ZNF644: variants seen among roughly 807,000 people sequenced by gnomAD.
ZNF644 encodes zinc finger motif enhancer binding protein 2.
ZNF644 carries 20 observed loss-of-function variants against 108.0 expected under a neutral mutation model. The ratio of observed to expected loss-of-function variants is 0.19; its 90% confidence interval spans 0.13 to 0.27. The LOEUF is 0.27. Among genes scored for constraint, ZNF644 ranks in the 10% least tolerant of loss-of-function variants. The pLI is 1.00. For missense variants in ZNF644, 1,338 were observed against 1,548.9 expected, an observed-to-expected ratio of 0.86 and a Z score of 2.29; for synonymous variants, 542 against 539.1, an observed-to-expected ratio of 1.01 and a Z score of -0.08.
At chr1:91,019,847 G>T (rs1164607625) in intron 1 of ZNF644, among the ~76,000 whole-genome samples, 1 of 152,192 alleles carries the variant, frequency 6.6e-6, no homozygotes, top group Admixed American at 6.5e-5. Flanking sequence ...TTACAGGCGT[G>T]AGCCACCGTG....
chr1:90,965,981 C>T (rs1430038476), intron 2 of ZNF644, among the ~76,000 whole-genome samples: 2 of 152,110 alleles, frequency 1.3e-5, no homozygotes, highest in Non-Finnish European at 2.9e-5. Context: ...TAACTCCTGA[C>T]CTCAGGTGAT....
intron 1 of ZNF644, among the ~76,000 whole-genome samples, chr1:90,998,366 GCAGCAACATTTGCTGTT>G (rs1336378042): frequency 6.6e-6 from 1 of 152,176 alleles, no homozygotes; most frequent in Admixed American, 6.5e-5. Context: ...GAATGATCAG[GCAGCAACATTTGCTGTT>G]CAGCAATATT....
At chr1:90,934,223 T>C (rs1224972766) in intron 4 of ZNF644, among the ~76,000 whole-genome samples, 1 of 152,086 alleles carries the variant, frequency 6.6e-6, no homozygotes, top group African/African-American at 2.4e-5. Context: ...TCAACATTCA[T>C]CCCTGGTCAT....
chr1:90,937,397 AAAGT>A, intron 4 of ZNF644, 84 bp downstream of exon 4: 1 of 1,573,476 alleles, frequency 6.4e-7, no homozygotes, highest in Non-Finnish European at 8.7e-7. Context: ...AGATTGTGAG[AAAGT>A]ATTTTCCACA....
chr1:91,000,752 T>A (rs1658686578), intron 1 of ZNF644, among the ~76,000 whole-genome samples: 1 of 152,064 alleles, frequency 6.6e-6, no homozygotes, highest in Non-Finnish European at 1.5e-5. Context: ...AGGAGCTGGT[T>A]TTTTGAAAAG....
chr1:90,971,499 C>T (rs1371880656), intron 2 of ZNF644, among the ~76,000 whole-genome samples: 2 of 152,044 alleles, frequency 1.3e-5, no homozygotes, highest in Non-Finnish European at 2.9e-5. Flanking sequence ...CGGCTCACTG[C>T]AACCTCCACC....
intron 1 of ZNF644, among the ~76,000 whole-genome samples, chr1:90,985,511 T>C (rs1357728639): frequency 2.0e-5 from 3 of 152,190 alleles, no homozygotes; most frequent in Non-Finnish European, 4.4e-5. Context: ...TCTACTTCTA[T>C]GAGTTCAACT....
Position 90,937,788 on chromosome 1 carries a change from G to T in ZNF644, c.3385C>A (p.Arg1129Ser), listed in dbSNP as rs763949118. The change falls in exon 4 of 6, where the codon CGT becomes AGT. Residue 1129 changes from arginine (R) to serine (S), a missense_variant. This residue lies in a region of ZNF644 where 287 missense variants were observed against 310.9 expected (regional missense o/e 0.92). Coordinates refer to ENST00000337393, the MANE Select transcript of ZNF644 (RefSeq NM_201269.3). ...SQNVIPLEAY[R>S]NGLKTEALSV... is the part of the protein sequence containing the mutation. ...AGAGCTTCAGTCTTTAGGCCATTAC[G>T]GTATGCTTCAAGAGGTATAACATTT... 4 of 1,613,626 alleles carry T rather than the reference G, an allele frequency of 2.5e-6. No homozygotes were observed. The highest frequency in any genetic ancestry group is 1.3e-5 in the African/African-American group (1 of 74,882).
intron 2 of ZNF644, among the ~76,000 whole-genome samples, chr1:90,959,108 C>T (rs1386365473): frequency 6.6e-6 from 1 of 152,032 alleles, no homozygotes; most frequent in East Asian, 1.9e-4. Flanking sequence ...AGGACGTGAA[C>T]AGATATTTCT....
rs115551975 is a variant in ZNF644 at position 90,947,759 on chromosome 1, G to A, written c.45-6450C>T. On this transcript the variant is annotated intron_variant, in intron 2 of 5. Transcript: ENST00000337393. ...CCTCCCAATAAACCCATGATAAATG[G>A]AAAACATCATGTTGAAAATGCATTT... is the stretch of plus-strand genomic sequence containing the variant. Among the ~76,000 whole-genome samples, 1,049 of 152,094 alleles carry A rather than the reference G, an allele frequency of 6.9e-3. 15 individuals are homozygous for A. Among genetic ancestry groups the A allele is most frequent in the African/African-American group, 0.024 (985 of 41,502 alleles).
intron 4 of ZNF644, among the ~76,000 whole-genome samples, chr1:90,927,261 A>C (rs1650149468): frequency 6.6e-6 from 1 of 152,224 alleles, no homozygotes; most frequent in Non-Finnish European, 1.5e-5. Context: ...AGTTATGCAT[A>C]TATGTGCTTC....
At chr1:90,925,076 A>T (rs1344181965) in intron 4 of ZNF644, among the ~76,000 whole-genome samples, 2 of 152,218 alleles carry the variant, frequency 1.3e-5, no homozygotes, top group African/African-American at 4.8e-5. Flanking sequence ...TACAAACCGC[A>T]TTCAAGAAAT....
Position 90,938,276 on chromosome 1 carries a change from T to C in ZNF644, c.3078A>G (p.Arg1026=), listed in dbSNP as rs1651563652. 1.9e-6 allele frequency: 3 copies of C among 1,614,022 alleles called. No individual in the cohort carries two copies. Among genetic ancestry groups the C allele is most frequent in the Non-Finnish European group, 2.5e-6 (3 of 1,179,882 alleles). ...TCATCCCCATGGAGAACTTACCTTT[T>C]CTAACTCGTTTAACAGGTGTTCCTG... The part of the protein sequence containing the change: ...TGTGTPVKRV[R]KAIEKSETTS... The change falls in exon 3 of 6, where the codon AGA becomes AGG. Residue 1026 remains arginine, a synonymous_variant. Coordinates refer to ENST00000337393, the MANE Select transcript of ZNF644 (RefSeq NM_201269.3). This position sits in a 1 kb window ranked among gnomAD's most constrained non-coding sequence, Gnocchi z 4.2.
rs1300288815 is a variant in ZNF644 at position 90,940,820 on chromosome 1, T to A, written c.534A>T (p.Leu178Phe). 1 of 1,613,906 alleles carries A rather than the reference T, an allele frequency of 6.2e-7. No individual in the cohort carries two copies. The highest frequency in any genetic ancestry group is 8.5e-7 in the Non-Finnish European group (1 of 1,179,980). ...GATTCTTAGCATGTGCTACATCTGA[T>A]AACAAAAATAAAACTTGGTGTTGAC... is the stretch of plus-strand genomic sequence containing the variant. The part of the protein sequence containing the change: ...KASQHQVLFL[L>F]SDVAHAKNPT... Residue 178 changes from leucine (L) to phenylalanine (F), a missense_variant, in exon 3 of 6, where the codon TTA becomes TTT. Transcript: ENST00000337393.
At chr1:90,952,263 A>C (rs1653256426) in intron 2 of ZNF644, among the ~76,000 whole-genome samples, 1 of 152,234 alleles carries the variant, frequency 6.6e-6, no homozygotes, top group Non-Finnish European at 1.5e-5. Context: ...AATTAAATCT[A>C]CAGTACAAAG....
At chr1:91,013,876 G>A (rs1275953669) in intron 1 of ZNF644, among the ~76,000 whole-genome samples, 1 of 152,072 alleles carries the variant, frequency 6.6e-6, no homozygotes, top group Non-Finnish European at 1.5e-5. Context: ...TGAAATAATA[G>A]TATTTAGATA....
intron 4 of ZNF644, chr1:90,935,613 A>G: frequency 2.1e-6 from 2 of 930,784 alleles, no homozygotes; most frequent in Non-Finnish European, 2.6e-6. Context: ...GAAAAGCACC[A>G]CAATAAAGAT....
chr1:90,958,004 AAAAT>A (rs1242359834), intron 2 of ZNF644, among the ~76,000 whole-genome samples: 2 of 152,138 alleles, frequency 1.3e-5, no homozygotes, highest in Non-Finnish European at 2.9e-5. Flanking sequence ...GAAAATTAAG[AAAAT>A]AAATCCATTT....
At position 90,939,591 on chromosome 1, in the gene ZNF644, C is replaced by T. The variant is rs750893443; in HGVS notation, c.1763G>A (p.Cys588Tyr). The T allele has an allele frequency of 3.7e-6, 6 of 1,613,892 alleles. No individual in the cohort carries two copies. The African/African-American group carries it at 8.0e-5, about 22-fold the overall frequency. ...GSSKKSATYI[C>Y]KMCPFTTSAK... Reference sequence around the variant, plus strand: ...TGAAGTAGTAAAAGGACACATCTTACATATGTAGGTAGCTGATTTTTTGGA... The same window carrying T: ...TGAAGTAGTAAAAGGACACATCTTATATATGTAGGTAGCTGATTTTTTGGA... Residue 588 changes from cysteine (C) to tyrosine (Y), a missense_variant, in exon 3 of 6, where the codon TGT becomes TAT. Transcript: ENST00000337393.
Sources: gnomAD v4.1 joint callset for allele counts (sites outside exome capture counted in the v4.1 genomes callset) on GRCh38, gnomAD v4.1.1 for gene constraint, gnomAD v4.1.1 regional missense constraint, Gnocchi (gnomAD v3.1) non-coding constraint, MANE v1.5 for transcripts, NCBI Gene and HGNC (gene_info 2026-07-23, HGNC 2026-07-21) for gene names.